Variants in PKP3 observed in about 807,000 individuals in gnomAD.
PKP3 encodes the protein plakophilin-3.
In PKP3, 66 loss-of-function variants were observed where a neutral mutation model predicts 76.5. The ratio of observed to expected loss-of-function variants is 0.86; its 90% confidence interval spans 0.71 to 1.06. The LOEUF (loss-of-function observed/expected upper bound fraction) is 1.06, where lower values mean the gene tolerates loss of function less well. Ranked by LOEUF, PKP3 falls within the 50% of genes least tolerant of loss-of-function variation. The probability of loss-of-function intolerance (pLI) is 0.00; values close to 1 mark genes in which losing one functional copy is unlikely to be tolerated. For missense variants in PKP3, 1,338 were observed against 1,141.0 expected (o/e 1.17, Z -2.49); for synonymous variants, 638 against 516.5 (o/e 1.24, Z -3.19).
rs1385270146 is a variant in PKP3 at position 404,894 on chromosome 11, G to A, written c.*325G>A. On this transcript the variant is annotated 3_prime_UTR_variant, in exon 13 of 13. Coordinates refer to ENST00000331563, the MANE Select transcript of PKP3 (RefSeq NM_007183.4). This position sits in a 1 kb window ranked among gnomAD's most constrained non-coding sequence, Gnocchi z 4.2. Reference sequence around the variant, plus strand: ...GATAGCCAGCACTGGGAATAAAGATGGCCATGAACAGTCACTGCCCTGTGT... The same window carrying A: ...GATAGCCAGCACTGGGAATAAAGATAGCCATGAACAGTCACTGCCCTGTGT... The A allele has an allele frequency of 2.5e-6, 1 of 395,004 alleles. No homozygotes were observed. The highest frequency in any genetic ancestry group is 4.8e-6 in the Non-Finnish European group (1 of 210,398). The allele number at this position is 395,004 out of a possible 1,614,324, so 24.5% of individuals were successfully genotyped here.
chr11:400,161 C>T lies in PKP3; in HGVS notation c.1448+20C>T, dbSNP rs753815544. Reference sequence around the variant, plus strand: ...CCTCAGGTGCGCCAGCCTCGGGCAGCGGGGTGGGGATTGCAGGCGCGGGTC... The same window carrying T: ...CCTCAGGTGCGCCAGCCTCGGGCAGTGGGGTGGGGATTGCAGGCGCGGGTC... On this transcript the variant is annotated intron_variant, in intron 6 of 12. Coordinates refer to ENST00000331563, the MANE Select transcript of PKP3 (RefSeq NM_007183.4). 22 of 1,520,404 alleles carry T rather than the reference C, an allele frequency of 1.4e-5. No individual in the cohort carries two copies. Among genetic ancestry groups the T allele is most frequent in the Admixed American group, 6.4e-5 (3 of 47,144 alleles). 94.2% of individuals were successfully genotyped at this position (1,520,404 alleles called of 1,614,324 possible).
At chr11:400,197 C>G in intron 6 of PKP3, 56 bp downstream of exon 6, 1 of 1,447,652 alleles carries the variant, frequency 6.9e-7, no homozygotes, top group Non-Finnish European at 9.2e-7. Flanking sequence ...ACTGTGGGGA[C>G]TCCGCCTGGC....
At position 394,499 on chromosome 11, in the gene PKP3, C is replaced by T. The variant is rs534140988; in HGVS notation, c.207C>T (p.Pro69=). Residue 69 remains proline, a synonymous_variant, in exon 1 of 13, where the codon CCC becomes CCT. Transcript: ENST00000331563. ...CGCGGCACAACGGGGCCGCTGAGCC[C>T]GAGCCTGAGGCCGAGACTGCCAGAG... ...QQPRHNGAAE[P]EPEAETARGT... 109 of 1,397,598 alleles carry T rather than the reference C, an allele frequency of 7.8e-5. 6 individuals carry two copies. In the African/African-American group the frequency reaches 8.5e-4, roughly 11 times the overall value. 86.6% of individuals were successfully genotyped at this position (1,397,598 alleles called of 1,614,324 possible).
chr11:403,888 C>A, intron 10 of PKP3, 55 bp from the exon 11 acceptor site: 1 of 1,561,528 alleles, frequency 6.4e-7, no homozygotes, highest in Admixed American at 1.7e-5. Context: ...CAGGGGACCC[C>A]AGGTGCCCAG....
chr11:403,509 AG>A, intron 9 of PKP3, 108 bp from the exon 10 acceptor site: 1 of 1,111,462 alleles, frequency 9.0e-7, no homozygotes, highest in East Asian at 2.4e-5. Context: ...GCAGAAGCAG[AG>A]GCCCCCCTGA....
At chr11:399,235 C>T in intron 5 of PKP3, 39 bp downstream of exon 5, 4 of 1,372,684 alleles carry the variant, frequency 2.9e-6, no homozygotes, top group Non-Finnish European at 3.9e-6. Context: ...CTTCCTCCAC[C>T]TGCGCCCCTC....
At chr11:394,170 T>G (rs1171423922), upstream of PKP3, 8 of 1,352,814 alleles carry the variant, frequency 5.9e-6, no homozygotes, top group East Asian at 3.2e-5. Context: ...GCGTCTGTCT[T>G]CAGGCGGCTC....
At chr11:400,514 G>T in intron 7 of PKP3, 21 bp from the exon 8 acceptor site, 1 of 1,492,302 alleles carries the variant, frequency 6.7e-7, no homozygotes, top group Non-Finnish European at 8.9e-7. Flanking sequence ...CCGCGCCCCT[G>T]CCCCGCGCCC....
At position 399,117 on chromosome 11, in the gene PKP3, C is replaced by T. The variant is rs754735132; in HGVS notation, c.1194C>T (p.Ala398=). Residue 398 remains alanine (A), a synonymous_variant, in exon 5 of 13, where the codon GCC becomes GCT. Transcript: ENST00000331563. ...ACGACAACGCTGACAACAAGCTGGCCCTGGTGGAGGAGAACGGGATCTTCG... is the reference window on the plus strand; with the variant it reads ...ACGACAACGCTGACAACAAGCTGGCTCTGGTGGAGGAGAACGGGATCTTCG... The part of the protein sequence containing the change: ...LIYDNADNKL[A]LVEENGIFEL... 9.3e-6 allele frequency: 15 copies of T among 1,612,012 alleles called. No individual in the cohort carries two copies. The South Asian group carries it at 1.5e-4, about 17-fold the overall frequency.
chr11:397,495 C>G, intron 3 of PKP3, 44 bp from the exon 4 acceptor site: 3 of 1,611,896 alleles, frequency 1.9e-6, no homozygotes, highest in Non-Finnish European at 2.5e-6. Flanking sequence ...ACGGGCCCAG[C>G]CTGAACCCAA....
chr11:404,515 G>A lies in PKP3; in HGVS notation c.2359-19G>A. 1 of 1,612,108 alleles carries A rather than the reference G, an allele frequency of 6.2e-7. No homozygotes were observed. The highest frequency in any genetic ancestry group is 8.5e-7 in the Non-Finnish European group (1 of 1,179,384). On this transcript the variant is annotated intron_variant, in intron 12 of 12. Coordinates refer to ENST00000331563, the MANE Select transcript of PKP3 (RefSeq NM_007183.4). The surrounding 1 kb of genome is among the most constrained non-coding windows in gnomAD (Gnocchi z 4.2). ...ATGGGCAGACATGCACCCTGACCTT[G>A]GGCCTCTCTCCACTGTAGAAGGGCT...
rs1183071964 is a variant in PKP3, at chr11:396,682, A to G, written c.307A>G (p.Thr103Ala). The G allele has an allele frequency of 1.9e-6, 3 of 1,609,972 alleles. No homozygotes were observed. Among genetic ancestry groups the G allele is most frequent in the Non-Finnish European group, 2.5e-6 (3 of 1,178,408 alleles). Residue 103 changes from threonine (T) to alanine (A), a missense_variant, in exon 2 of 13, where the codon ACC becomes GCC. Transcript: ENST00000331563. ...CTCTCAGGGCCTGAGTGGGGACAAG[A>G]CCTCGGTGAGCGATGGGCCCAGCCC... ...SRSQGLSGDK[T>A]SGFRPIAKPA...
In PKP3 at chr11:397,411, G is replaced by C. The variant is rs573522262; in HGVS notation, c.910G>C (p.Gly304Arg). The part of the protein sequence containing the change: ...LPDVHGFNSY[G>R]SHRTLQRLSS... ...GGACGTGCATGGGTTCAACAGCTAC[G>C]GTAGCCACCGAACCCTGCAGAGACT... Residue 304 changes from glycine to arginine, a missense_variant, in exon 3 of 13, where the codon GGT becomes CGT. Gly to Arg is a moderately radical substitution (Grantham distance 125). Transcript: ENST00000331563. The C allele has an allele frequency of 4.0e-5, 64 of 1,612,134 alleles. No homozygotes were observed. In the South Asian group the frequency reaches 5.9e-4, roughly 15 times the overall value.
At position 396,964 on chromosome 11, in the gene PKP3, C is replaced by G. The variant is rs770081273; in HGVS notation, c.463C>G (p.Pro155Ala). ...TGGGTACGGGGGTGCCCAGCCCACC[C>G]CTCCCATGCCCACCAGGCCCGTGTC... ...AAGYGGAQPT[P>A]PMPTRPVSFH... The change falls in exon 3 of 13, where the codon CCT (proline) becomes GCT (alanine). Residue 155 changes from proline (P) to alanine (A), a missense_variant. Physicochemically the swap from Pro to Ala is conservative, Grantham distance 27. Coordinates refer to ENST00000331563, the MANE Select transcript of PKP3 (RefSeq NM_007183.4). 6 of 1,597,646 alleles carry G rather than the reference C, an allele frequency of 3.8e-6. No individual in the cohort carries two copies. The highest frequency in any genetic ancestry group is 4.2e-6 in the Non-Finnish European group (5 of 1,177,704).
chr11:397,143 G>A lies in PKP3; in HGVS notation c.642G>A (p.Ala214=), dbSNP rs201982353. 1.9e-4 allele frequency: 310 copies of A among 1,597,940 alleles called. 2 individuals carry two copies. The Middle Eastern group carries it at 2.2e-3, about 11-fold the overall frequency. ...PAATSTYRAF[A]YERQASSSSS... ...CCACCTCCACCTACAGGGCCTTTGC[G>A]TACGAGCGCCAGGCCAGCTCCAGCT... The change falls in exon 3 of 13, where the codon GCG becomes GCA. Residue 214 remains alanine (A), a synonymous_variant. Coordinates refer to ENST00000331563, the MANE Select transcript of PKP3 (RefSeq NM_007183.4).
chr11:403,648 G>T lies in PKP3; in HGVS notation c.1954G>T (p.Glu652Ter). Reference protein sequence around the residue: ...WAGVLSRLALEQERILNPLLD... With the variant: ...WAGVLSRLAL Reference sequence around the variant, plus strand: ...GGGGGTGCTGAGCCGCCTGGCCCTGGAGCAGGAGCGTATTCTGAACCCCCT... The same window carrying T: ...GGGGGTGCTGAGCCGCCTGGCCCTGTAGCAGGAGCGTATTCTGAACCCCCT... Residue 652 changes from glutamate to a stop codon, truncating the protein, a stop_gained, in exon 10 of 13, where the codon GAG (glutamate) becomes TAG (stop). Transcript: ENST00000331563. LOFTEE classifies it high-confidence loss of function. The T allele has an allele frequency of 6.2e-7, 1 of 1,608,654 alleles. No individual in the cohort carries two copies. Among genetic ancestry groups the T allele is most frequent in the Non-Finnish European group, 8.5e-7 (1 of 1,179,822 alleles).
In PKP3 at chr11:397,185, G is replaced by A. The variant is rs762455480; in HGVS notation, c.684G>A (p.Gly228=). ...GCTCCAGCTCCAGCCGGGCAGGGGG[G>A]CTGGACTGGCCCGAGGCCACTGAGG... ...QASSSSSRAG[G]LDWPEATEVS... The change falls in exon 3 of 13, where the codon GGG becomes GGA. Residue 228 remains glycine, a synonymous_variant. Coordinates refer to ENST00000331563, the MANE Select transcript of PKP3 (RefSeq NM_007183.4). 12 of 1,598,180 alleles carry A rather than the reference G, an allele frequency of 7.5e-6. No homozygotes were observed. Among genetic ancestry groups the A allele is most frequent in the East Asian group, 6.7e-5 (3 of 44,858 alleles).
At position 399,012 on chromosome 11, in the gene PKP3, G is replaced by A. The variant is rs761588774; in HGVS notation, c.1089G>A (p.Val363=). Residue 363 remains valine, a synonymous_variant, in exon 5 of 13, where the codon GTG becomes GTA. Coordinates refer to ENST00000331563, the MANE Select transcript of PKP3 (RefSeq NM_007183.4). ...CGCAGGCCCGCAGCCTTCAGGCCGT[G>A]CCTAGGCTGGTGAAGCTCTTCAACC... is the stretch of plus-strand genomic sequence containing the variant. ...AKKQARSLQA[V]PRLVKLFNHA... is the part of the protein sequence containing the mutation. The A allele has an allele frequency of 6.3e-7, 1 of 1,595,046 alleles. No homozygotes were observed. The highest frequency in any genetic ancestry group is 8.6e-7 in the Non-Finnish European group (1 of 1,168,334).
rs948473644 is a variant in PKP3 at position 403,360 on chromosome 11, C to T, written c.1923+97C>T. ...AGGGAGGGGAGGAGGAAGGGGACGC[C>T]CAGGGTCCGCGGAGCCTCGGAGGTC... On this transcript the variant is annotated intron_variant, in intron 9 of 12. Transcript: ENST00000331563. 6 of 1,091,570 alleles carry T rather than the reference C, an allele frequency of 5.5e-6. No individual in the cohort carries two copies. In the African/African-American group the frequency reaches 9.5e-5, roughly 17 times the overall value. 67.6% of individuals were successfully genotyped at this position (1,091,570 alleles called of 1,614,324 possible).
Sources: allele counts gnomAD v4.1 joint callset, GRCh38; gene constraint gnomAD v4.1.1; non-coding constraint Gnocchi (gnomAD v3.1); transcripts MANE v1.5; gene names NCBI Gene and HGNC (gene_info 2026-07-23, HGNC 2026-07-21).